Variants in NOMO2 observed in about 807,000 individuals in gnomAD.
The protein encoded by NOMO2 is BOS complex subunit NOMO2.
Under a neutral mutation model 67.1 loss-of-function variants are expected in NOMO2, and 14 were observed. The ratio of observed to expected loss-of-function variants is 0.21; its 90% CI spans 0.14 to 0.33. The LOEUF (loss-of-function observed/expected upper bound fraction) is 0.33, where lower values mean the gene tolerates loss of function less well. Among genes scored for constraint, NOMO2 ranks in the 10% least tolerant of loss-of-function variants. NOMO2 has a pLI of 1.00. For synonymous variants in NOMO2, 80 were observed against 305.9 expected (o/e 0.26, Z 7.71); for missense variants, 178 against 761.0 (o/e 0.23, Z 9.01).
intron 11 of NOMO2, among the ~76,000 whole-genome samples, chr16:18,537,039 C>A (rs370783163): frequency 1.3e-5 from 2 of 151,988 alleles, no homozygotes; most frequent in East Asian, 1.9e-4. Context: ...TAGGTCCCCC[C>A]TGGGCCACCT....
At chr16:18,527,150 A>G (rs1303816576) in intron 16 of NOMO2, among the ~76,000 whole-genome samples, 1 of 121,604 alleles carries the variant, frequency 8.2e-6, no homozygotes, top group African/African-American at 3.0e-5. Flanking sequence ...CAGGAGGCGG[A>G]GGCTGCAGTG....
intron 11 of NOMO2, among the ~76,000 whole-genome samples, chr16:18,535,712 C>A (rs568338453): frequency 6.6e-6 from 1 of 152,080 alleles, no homozygotes; most frequent in African/African-American, 2.4e-5. Flanking sequence ...CATGGCTTTC[C>A]TCCAATCCAT....
intron 3 of NOMO2, among the ~76,000 whole-genome samples, chr16:18,554,444 A>G (rs1901859285): frequency 6.6e-6 from 1 of 152,032 alleles, no homozygotes; most frequent in Non-Finnish European, 1.5e-5. Context: ...TAATTCCATA[A>G]AAAATTAAAA....
At chr16:18,545,241 G>T (rs1436904102) in intron 6 of NOMO2, among the ~76,000 whole-genome samples, 1 of 148,096 alleles carries the variant, frequency 6.8e-6, no homozygotes, top group Admixed American at 6.9e-5. Context: ...GATTACAGGT[G>T]TATGCCACCA....
At chr16:18,561,851 G>C (rs1902058568) in intron 1 of NOMO2, 25 bp downstream of exon 1, 2 of 1,545,910 alleles carry the variant, frequency 1.3e-6, no homozygotes, top group Non-Finnish European at 1.7e-6. Flanking sequence ...GCGACTCGGC[G>C]CCGGGCGGCG....
At chr16:18,527,108 C>T (rs1162651952) in intron 16 of NOMO2, among the ~76,000 whole-genome samples, 10 of 116,980 alleles carry the variant, frequency 8.5e-5, no homozygotes, top group African/African-American at 2.4e-4. Context: ...CCCAGCTTCT[C>T]GAGAGGCTGA....
chr16:18,539,750 G>GA (rs1239050552), intron 9 of NOMO2, among the ~76,000 whole-genome samples: 3 of 150,120 alleles, frequency 2.0e-5, no homozygotes, highest in African/African-American at 4.9e-5. Context: ...CTGTCTCAAA[G>GA]AAAAAAAAAG....
At chr16:18,526,716 T>G (rs1311822743) in intron 16 of NOMO2, among the ~76,000 whole-genome samples, 1 of 151,640 alleles carries the variant, frequency 6.6e-6, no homozygotes, top group Admixed American at 6.6e-5. Flanking sequence ...GGACAGAAAA[T>G]AGATCAGTGG....
chr16:18,534,438 CCATT>C (rs1485835098), intron 11 of NOMO2, among the ~76,000 whole-genome samples: 1 of 143,596 alleles, frequency 7.0e-6, no homozygotes, highest in Admixed American at 7.4e-5. Flanking sequence ...TGCGCTCTGC[CCATT>C]CATTTACAAA....
chr16:18,541,841 T>TAA (rs1251821871), intron 9 of NOMO2, among the ~76,000 whole-genome samples: 338 of 122,292 alleles, frequency 2.8e-3, no homozygotes, highest in African/African-American at 0.01. Flanking sequence ...GACCCTATCT[T>TAA]AAAAAAAAAA....
intron 1 of NOMO2, among the ~76,000 whole-genome samples, chr16:18,559,605 T>A (rs536569613): frequency 4.0e-4 from 61 of 152,098 alleles, no homozygotes; most frequent in African/African-American, 8.0e-4. Flanking sequence ...GACAGTGTCT[T>A]GCTTACTCTA....
intron 1 of NOMO2, among the ~76,000 whole-genome samples, chr16:18,558,441 TA>T (rs1275446675): frequency 1.1e-4 from 15 of 134,492 alleles, no homozygotes; most frequent in African/African-American, 3.9e-4. Flanking sequence ...AAAATAATAA[TA>T]AAAAAAAATA....
chr16:18,553,257 C>T (rs1901830829), intron 3 of NOMO2, among the ~76,000 whole-genome samples: 1 of 150,812 alleles, frequency 6.6e-6, no homozygotes, highest in African/African-American at 2.4e-5. Flanking sequence ...GAGCGAGACT[C>T]AGTCTCAAAA....
At chr16:18,560,644 T>C (rs573896749) in intron 1 of NOMO2, among the ~76,000 whole-genome samples, 1 of 151,936 alleles carries the variant, frequency 6.6e-6, no homozygotes, top group African/African-American at 2.4e-5. Flanking sequence ...AACGGGGCCT[T>C]GAAGAAGATC....
At chr16:18,543,908 T>C in intron 6 of NOMO2, 139 bp from the exon 7 acceptor site, 1 of 765,480 alleles carries the variant, frequency 1.3e-6, no homozygotes, top group Non-Finnish European at 2.1e-6. Flanking sequence ...TCACTTCTTT[T>C]CTTGAGACGG....
chr16:18,520,471 CCAGAGAGGATGTAAGGTGGCTTA>C (rs1314765275), intron 20 of NOMO2, 103 bp downstream of exon 20: 6 of 801,910 alleles, frequency 7.5e-6, no homozygotes, highest in Non-Finnish European at 1.2e-5. Context: ...CATCTGTGTG[CCAGAGAGGATGTAAGGTGGCTTA>C]CAAAGATGGC....
chr16:18,561,173 T>TAAAAAAAAAAAAAAAAAA lies in NOMO2; in HGVS notation c.165+685_165+702dup, dbSNP rs756246897. Among the ~76,000 whole-genome samples the TAAAAAAAAAAAAAAAAAA allele has an allele frequency of 2.2e-4, 7 of 32,458 alleles. 1 individual carries two copies. Among genetic ancestry groups the TAAAAAAAAAAAAAAAAAA allele is most frequent in the African/African-American group, 6.2e-4 (5 of 8,118 alleles). The allele number at this position is 32,458 out of a possible 152,430, so 21.3% of individuals were successfully genotyped here. ...ATTTAACAGGACTTTACAACTTAAT[T>TAAAAAAAAAAAAAAAAAA]AAAAAAAAAAAAAAAAAAAAAAAAA... On this transcript the variant is annotated intron_variant, in intron 1 of 30. Transcript: ENST00000622306.
chr16:18,550,858 T>G (rs955911171), intron 4 of NOMO2, among the ~76,000 whole-genome samples: 6 of 151,912 alleles, frequency 3.9e-5, no homozygotes, highest in Non-Finnish European at 7.4e-5. Context: ...AGGCCATCCC[T>G]GACATAAACG....
chr16:18,559,351 C>A (rs1255668589), intron 1 of NOMO2, among the ~76,000 whole-genome samples: 1 of 151,594 alleles, frequency 6.6e-6, no homozygotes, highest in Non-Finnish European at 1.5e-5. Flanking sequence ...TAAAAGGAAG[C>A]AGTTGGGTCT....
Sources: allele counts gnomAD v4.1 joint callset (sites outside exome capture counted in the v4.1 genomes callset), GRCh38; gene constraint gnomAD v4.1.1; transcripts MANE v1.5; gene names NCBI Gene and HGNC (gene_info 2026-07-23, HGNC 2026-07-21).